Variants in APTX observed in about 807,000 individuals in gnomAD.
APTX encodes the protein aprataxin.
A neutral mutation model predicts 42.3 loss-of-function variants in APTX; 33 were observed. That is an observed-to-expected ratio of 0.78 (90% confidence interval 0.59 to 1.04). The LOEUF (loss-of-function observed/expected upper bound fraction) is 1.04, where lower values mean the gene tolerates loss of function less well. Ranked by LOEUF, APTX falls within the 50% of genes least tolerant of loss-of-function variation. APTX has a pLI of 0.00. For synonymous variants in APTX, 130 were observed against 146.7 expected, an observed-to-expected ratio of 0.89 and a Z score of 0.82; for missense variants, 421 against 415.1, an observed-to-expected ratio of 1.01 and a Z score of -0.12.
At chr9:33,005,890 C>T (rs1837101254), upstream of APTX, among the ~76,000 whole-genome samples, 1 of 152,164 alleles carries the variant, frequency 6.6e-6, no homozygotes, top group Non-Finnish European at 1.5e-5. Context: ...ATCATTTATG[C>T]AAGGATTTAC....
rs143504361 is a variant in APTX at position 32,991,992 on chromosome 9, G to C, written c.-4-2097C>G. On this transcript the variant is annotated intron_variant, in intron 1 of 7. Coordinates refer to ENST00000379817, the MANE Select transcript of APTX (RefSeq NM_001195248.2). ...ATATGTGGGTATGAAGCTCAAGAGA[G>C]GGGAATGGACTAAATGCATATATTT... 4.1e-3 allele frequency among the ~76,000 whole-genome samples: 626 copies of C among 152,262 alleles called. 6 individuals are homozygous for C. The highest frequency in any genetic ancestry group is 0.014 in the African/African-American group (598 of 41,552).
In APTX at chr9:32,989,840, T is replaced by C. The variant is rs572308162; in HGVS notation, c.52A>G (p.Arg18Gly). The C allele has an allele frequency of 6.2e-7, 1 of 1,614,152 alleles. No individual in the cohort carries two copies. Among genetic ancestry groups the C allele is most frequent in the African/African-American group, 1.3e-5 (1 of 74,956 alleles). Reference protein sequence around the residue: ...VRQDSRHQRIRLPHLEAVVIG... With the variant: ...VRQDSRHQRIGLPHLEAVVIG... ...ACAACTGCTTCCAAATGTGGAAGTC[T>C]GATTCGCTGGTGCCGGCTGTCCTGT... Residue 18 changes from arginine to glycine, a missense_variant, in exon 2 of 8, where the codon AGA becomes GGA. Transcript: ENST00000379817.
At chr9:32,998,244 T>G (rs1056413424) in intron 1 of APTX, among the ~76,000 whole-genome samples, 1 of 152,154 alleles carries the variant, frequency 6.6e-6, no homozygotes, top group Non-Finnish European at 1.5e-5. Context: ...TTTGGGGGCA[T>G]GTAGGAGGTA....
intron 1 of APTX, among the ~76,000 whole-genome samples, chr9:33,017,020 A>G (rs1358812750): frequency 6.6e-6 from 1 of 152,216 alleles, no homozygotes; most frequent in African/African-American, 2.4e-5. Flanking sequence ...TTTGCCTACA[A>G]ATAAAACTGT....
chr9:33,000,214 A>T (rs1020979008), intron 1 of APTX, among the ~76,000 whole-genome samples: 5 of 152,226 alleles, frequency 3.3e-5, no homozygotes, highest in African/African-American at 1.2e-4. Flanking sequence ...CACAAGAGCT[A>T]AAGGACAAAG....
chr9:33,017,521 A>C (rs1000112409), intron 1 of APTX, among the ~76,000 whole-genome samples: 2 of 137,598 alleles, frequency 1.5e-5, no homozygotes, highest in Non-Finnish European at 3.4e-5. Flanking sequence ...TCACTTCCCA[A>C]AGGCCCCATC....
intron 1 of APTX, among the ~76,000 whole-genome samples, chr9:33,019,152 G>A (rs572071314): frequency 2.8e-4 from 42 of 152,160 alleles, no homozygotes; most frequent in African/African-American, 8.2e-4. Context: ...GACTGAGTGC[G>A]GAATAACAGG....
intron 2 of APTX, 150 bp downstream of exon 2, chr9:32,989,609 G>T: frequency 8.5e-7 from 1 of 1,171,874 alleles, no homozygotes; most frequent in Non-Finnish European, 1.3e-6. Context: ...GAATAAATAG[G>T]GCCCTGGTGT....
intron 1 of APTX, among the ~76,000 whole-genome samples, chr9:33,013,031 T>G (rs4878524): frequency 0.04 from 6,026 of 152,270 alleles, 151 homozygotes; most frequent in East Asian, 0.11. Context: ...TTTACTGACC[T>G]AGAAAACACC....
rs60192650 is a variant in APTX at position 33,016,669 on chromosome 9, T to TCC, written c.-5+8352_-5+8353dup. On this transcript the variant is annotated intron_variant, in intron 1 of 6. Transcript: ENST00000436040. The stretch of plus-strand genomic sequence containing the variant: ...AGTGACTAAATAGAATGCATTACAC[T>TCC]CCCCCCCCCATTTTTTTAGAATTAA... Among the ~76,000 whole-genome samples the TCC allele has an allele frequency of 4.4e-3, 654 of 147,680 alleles. 2 individuals are homozygous for TCC. The highest frequency in any genetic ancestry group is 6.9e-3 in the Middle Eastern group (2 of 290).
chr9:33,008,551 ATTTT>A (rs34273971), intron 1 of APTX, among the ~76,000 whole-genome samples: 1 of 135,082 alleles, frequency 7.4e-6, no homozygotes. Context: ...TCTGATTAAG[ATTTT>A]TTTTTTTTTT....
At chr9:32,982,865 A>G (rs529357066) in intron 6 of APTX, among the ~76,000 whole-genome samples, 2 of 152,330 alleles carry the variant, frequency 1.3e-5, no homozygotes, top group South Asian at 2.1e-4. Context: ...CAATAAAAAT[A>G]TATTTATATT....
chr9:33,017,487 A>G (rs1340886045), intron 1 of APTX, among the ~76,000 whole-genome samples: 1 of 134,444 alleles, frequency 7.4e-6, no homozygotes, highest in Admixed American at 7.2e-5. Context: ...TTTCTTTTGT[A>G]AGGGCACTAA....
chr9:33,019,083 G>A (rs1387677340), intron 1 of APTX, among the ~76,000 whole-genome samples: 1 of 152,126 alleles, frequency 6.6e-6, no homozygotes, highest in Non-Finnish European at 1.5e-5. Context: ...ATGTATCAAC[G>A]TTGATTCATT....
intron 1 of APTX, among the ~76,000 whole-genome samples, chr9:32,995,146 G>A (rs1326490875): frequency 6.6e-6 from 1 of 152,170 alleles, no homozygotes; most frequent in African/African-American, 2.4e-5. Flanking sequence ...ATGGATCAAG[G>A]AGTAATTCTG....
chr9:32,986,032 T>TAAAAAAAACA lies in APTX; in HGVS notation c.484-3_484-2insTGTTTTTTTT. On this transcript the variant is annotated splice_polypyrimidine_tract_variant and splice_region_variant and intron_variant, in intron 4 of 7. Transcript: ENST00000379817. ...TTGACTCCAGTGGCCCAGGGATTCC[T>TAAAAAAAACA]AAAAAAAAAACAAAAAAAAAAACAA... 1 of 732,440 alleles carries TAAAAAAAACA rather than the reference T, an allele frequency of 1.4e-6. No individual in the cohort carries two copies. Among genetic ancestry groups the TAAAAAAAACA allele is most frequent in the Admixed American group, 3.9e-5 (1 of 25,940 alleles). 45.4% of individuals were successfully genotyped at this position (732,440 alleles called of 1,614,324 possible).
intron 5 of APTX, 54 bp downstream of exon 5, chr9:32,985,917 G>T (rs371682069): frequency 2.1e-6 from 3 of 1,418,582 alleles, no homozygotes; most frequent in Non-Finnish European, 3.0e-6. Flanking sequence ...AGACCTCTGT[G>T]GAGTGGTCAT....
intron 1 of APTX, among the ~76,000 whole-genome samples, chr9:33,023,118 C>T (rs1464601322): frequency 6.7e-6 from 1 of 150,102 alleles, no homozygotes; most frequent in East Asian, 2.0e-4. Flanking sequence ...CTTGAGCCAC[C>T]ATGCACCCCC....
intron 6 of APTX, among the ~76,000 whole-genome samples, chr9:32,979,058 G>A (rs1043829887): frequency 2.0e-5 from 3 of 151,808 alleles, no homozygotes; most frequent in African/African-American, 7.3e-5. Context: ...AAACTTTTAG[G>A]TTCAGGGATC....
Sources: gnomAD v4.1 joint callset for allele counts (sites outside exome capture counted in the v4.1 genomes callset) on GRCh38, gnomAD v4.1.1 for gene constraint, MANE v1.5 for transcripts, NCBI Gene and HGNC (gene_info 2026-07-23, HGNC 2026-07-21) for gene names.